Variants in FRMD4B observed in about 807,000 individuals in gnomAD.
FRMD4B encodes the protein FERM domain-containing protein 4B.
In FRMD4B, 74 loss-of-function variants were observed where a neutral mutation model predicts 141.5. That is an observed-to-expected ratio of 0.52 (90% CI 0.43 to 0.63). The LOEUF is 0.63. Among genes scored for constraint, FRMD4B ranks in the 30% least tolerant of loss-of-function variants. The pLI is 0.00. For synonymous variants in FRMD4B, 506 were observed against 467.9 expected (o/e 1.08, Z -1.05); for missense variants, 1,366 against 1,253.4 (o/e 1.09, Z -1.36).
intron 2 of FRMD4B, among the ~76,000 whole-genome samples, chr3:69,422,520 C>G (rs1324486711): frequency 1.3e-5 from 2 of 152,112 alleles, no homozygotes; most frequent in Non-Finnish European, 2.9e-5. Context: ...GCAAGAGCCT[C>G]CATTGTGACA....
In FRMD4B at chr3:69,181,486, G is replaced by T. The variant is rs532569537; in HGVS notation, c.2264C>A (p.Thr755Asn). 30 of 1,613,854 alleles carry T rather than the reference G, an allele frequency of 1.9e-5. No individual in the cohort carries two copies. In the South Asian group the frequency reaches 3.1e-4, roughly 17 times the overall value. ...PVTGPYYTTQ[T>N]LDTRTRGRRR... is the part of the protein sequence containing the mutation. ...CCGACCCCTGGTGCGAGTGTCCAGG[G>T]TCTGGGTGGTGTAATAGGGGCCGGT... is the stretch of plus-strand genomic sequence containing the variant. Residue 755 changes from threonine (T) to asparagine (N), a missense_variant, in exon 21 of 23, where the codon ACC becomes AAC. Physicochemically the swap from Thr to Asn is moderately conservative, Grantham distance 65. Transcript: ENST00000398540.
intron 1 of FRMD4B, among the ~76,000 whole-genome samples, chr3:69,467,145 A>G (rs1449969029): frequency 6.6e-6 from 1 of 152,232 alleles, no homozygotes; most frequent in Non-Finnish European, 1.5e-5. Flanking sequence ...GGTAAGATGG[A>G]AAAAGAATGG....
intron 1 of FRMD4B, among the ~76,000 whole-genome samples, chr3:69,371,846 G>A (rs1278246479): frequency 1.3e-5 from 2 of 152,162 alleles, no homozygotes; most frequent in Non-Finnish European, 2.9e-5. Context: ...TATCTCCACT[G>A]CCTCGACCAG....
rs575198275 is a variant in FRMD4B at position 69,485,709 on chromosome 3, CA to C, written c.-128-52949del. 1.7e-3 allele frequency among the ~76,000 whole-genome samples: 254 copies of C among 152,320 alleles called. 1 individual carries two copies. Among genetic ancestry groups the C allele is most frequent in the African/African-American group, 5.7e-3 (239 of 41,574 alleles). ...GCTGGGCCTGGACCAGCATCCAGGG[CA>C]GGGGCAATGTTGCTGCAAGCTCCCC... On this transcript the variant is annotated intron_variant, in intron 1 of 5. Transcript: ENST00000459638.
chr3:69,185,945 G>T (rs958107889), intron 19 of FRMD4B, among the ~76,000 whole-genome samples: 4 of 151,894 alleles, frequency 2.6e-5, no homozygotes, highest in Non-Finnish European at 5.9e-5. Context: ...GGAAGGCTGA[G>T]GGGGGAGAAT....
Position 69,231,046 on chromosome 3 carries a change from A to G in FRMD4B, c.582-6356T>C, listed in dbSNP as rs1309245939. 1.3e-5 allele frequency among the ~76,000 whole-genome samples: 2 copies of G among 152,250 alleles called. 1 individual carries two copies. The highest frequency in any genetic ancestry group is 3.8e-4 in the East Asian group (2 of 5,196). On this transcript the variant is annotated intron_variant, in intron 7 of 22. Coordinates refer to ENST00000398540, the MANE Select transcript of FRMD4B (RefSeq NM_015123.3). ...TGAGGAAAGACAAGCACTCGATCTC[A>G]TCTCATCTGGGAAGCTAAGTAAGGT...
chr3:69,408,361 A>G (rs959759186), intron 2 of FRMD4B, among the ~76,000 whole-genome samples: 2 of 152,204 alleles, frequency 1.3e-5, no homozygotes, highest in African/African-American at 4.8e-5. Flanking sequence ...GCTGCTGCCT[A>G]TCAAGTGTGG....
rs763694830 is a variant in FRMD4B, at chr3:69,224,617, G to A, written c.655C>T (p.Leu219Phe). The A allele has an allele frequency of 1.3e-6, 2 of 1,554,404 alleles. No individual in the cohort carries two copies. Among genetic ancestry groups the A allele is most frequent in the Non-Finnish European group, 8.8e-7 (1 of 1,130,806 alleles). ...GTGGATTTGGCTTACCAGTAGGCAAGGGATGGATGCTCCTGAAGAGTTTTG... is the reference window on the plus strand; with the variant it reads ...GTGGATTTGGCTTACCAGTAGGCAAAGGATGGATGCTCCTGAAGAGTTTTG... ...PTKTLQEHPS[L>F]AYCEDRVIEH... Residue 219 changes from leucine (L) to phenylalanine (F), a missense_variant, in exon 8 of 23, where the codon CTT becomes TTT. Transcript: ENST00000398540.
rs1335631218 is a variant in FRMD4B, at chr3:69,520,107, CTATATATATATGATGGAA to C, written c.-129+22081_-129+22098del. Among the ~76,000 whole-genome samples the C allele has an allele frequency of 1.8e-3, 161 of 88,658 alleles. 9 individuals are homozygous for C. The highest frequency in any genetic ancestry group is 7.9e-3 in the African/African-American group (150 of 19,056). 58.2% of individuals were successfully genotyped at this position (88,658 alleles called of 152,430 possible). A position where few individuals can be genotyped will look rare whatever the true frequency, so the allele number is the denominator to read the frequency against. ...ATGGAATATATATATATAAAATGGA[CTATATATATATGATGGAA>C]TATATATATGATGGAATATATATAT... On this transcript the variant is annotated intron_variant, in intron 1 of 5. Coordinates refer to the FRMD4B transcript ENST00000459638.
chr3:69,473,093 G>T (rs1369355677), intron 1 of FRMD4B, among the ~76,000 whole-genome samples: 4 of 151,954 alleles, frequency 2.6e-5, no homozygotes, highest in African/African-American at 9.7e-5. Context: ...TGAAGAGAAA[G>T]GATGTTCCCC....
At chr3:69,528,655 C>T (rs1055142495) in intron 1 of FRMD4B, among the ~76,000 whole-genome samples, 4 of 152,138 alleles carry the variant, frequency 2.6e-5, no homozygotes, top group East Asian at 1.9e-4. Context: ...CGTGAGCCAC[C>T]GCACCCAGCC....
chr3:69,281,834 A>ATAT (rs66485150), intron 5 of FRMD4B, among the ~76,000 whole-genome samples: 101 of 71,570 alleles, frequency 1.4e-3, no homozygotes, highest in African/African-American at 3.1e-3. Flanking sequence ...AAAAAAAAAA[A>ATAT]AAAAATATAT....
At chr3:69,538,798 C>T (rs147484032) in intron 1 of FRMD4B, among the ~76,000 whole-genome samples, 266 of 152,254 alleles carry the variant, frequency 1.7e-3, no homozygotes, top group African/African-American at 5.9e-3. Context: ...TCTCTGACTG[C>T]CCACGGCACA....
At chr3:69,217,751 C>G (rs1341827349) in intron 10 of FRMD4B, among the ~76,000 whole-genome samples, 1 of 152,164 alleles carries the variant, frequency 6.6e-6, no homozygotes, top group Non-Finnish European at 1.5e-5. Context: ...CATGAAAAGT[C>G]AATCAAGAAC....
At chr3:69,390,447 T>C (rs1319876041), upstream of FRMD4B, among the ~76,000 whole-genome samples, 1 of 152,198 alleles carries the variant, frequency 6.6e-6, no homozygotes, top group Non-Finnish European at 1.5e-5. Context: ...CGTTTTTGGT[T>C]GTCGCAACTG....
intron 2 of FRMD4B, among the ~76,000 whole-genome samples, chr3:69,421,686 C>A (rs1480947816): frequency 6.6e-6 from 1 of 152,204 alleles, no homozygotes; most frequent in Non-Finnish European, 1.5e-5. Flanking sequence ...TAAAAATTCA[C>A]TTCCTCAGTC....
chr3:69,449,977 T>C (rs1995176), intron 1 of FRMD4B, among the ~76,000 whole-genome samples: 51,104 of 151,926 alleles, frequency 0.34, 8,761 homozygotes, highest in African/African-American at 0.39. Flanking sequence ...CTTGTGGGCA[T>C]GGAAGTTACT....
chr3:69,339,200 G>C (rs1018336498), intron 1 of FRMD4B, among the ~76,000 whole-genome samples: 1 of 151,904 alleles, frequency 6.6e-6, no homozygotes, highest in African/African-American at 2.4e-5. Flanking sequence ...TTAACTATTG[G>C]CCTAGAAAAT....
rs1350933855 is a variant in FRMD4B at position 69,171,694 on chromosome 3, G to A, written c.*167C>T. The A allele has an allele frequency of 4.6e-6, 3 of 652,508 alleles. No individual in the cohort carries two copies. The highest frequency in any genetic ancestry group is 5.4e-5 in the East Asian group (2 of 37,232). The allele number at this position is 652,508 out of a possible 1,614,324, so 40.4% of individuals were successfully genotyped here. ...CAAATCCTCCTTTAGGGGCTTTGTG[G>A]GGCTTGGTGTGTGATTCACTGATTC... On this transcript the variant is annotated 3_prime_UTR_variant, in exon 23 of 23. Coordinates refer to ENST00000398540, the MANE Select transcript of FRMD4B (RefSeq NM_015123.3).
Sources: gnomAD v4.1 joint callset for allele counts (sites outside exome capture counted in the v4.1 genomes callset) on GRCh38, gnomAD v4.1.1 for gene constraint, MANE v1.5 for transcripts, NCBI Gene and HGNC (gene_info 2026-07-23, HGNC 2026-07-21) for gene names.